The following HEXB variants were observed in gnomAD, a reference collection of about 807,000 sequenced individuals.
HEXB encodes beta-hexosaminidase subunit beta.
Under a neutral mutation model 71.2 loss-of-function variants are expected in HEXB, and 51 were observed. That is an observed-to-expected ratio of 0.72 (90% CI 0.57 to 0.90). HEXB has a LOEUF of 0.90. Among genes scored for constraint, HEXB ranks in the 40% least tolerant of loss-of-function variants. HEXB has a pLI of 0.00. For synonymous variants in HEXB, 266 were observed against 249.3 expected, an observed-to-expected ratio of 1.07 and a Z score of -0.63; for missense variants, 617 against 677.0, an observed-to-expected ratio of 0.91 and a Z score of 0.98.
chr5:74,650,108 G>A (rs1246737824), intron 1 of HEXB, among the ~76,000 whole-genome samples: 2 of 152,176 alleles, frequency 1.3e-5, no homozygotes, highest in Admixed American at 6.5e-5. Context: ...AAAAACCCAC[G>A]ATGCACAGAT....
intron 5 of HEXB, among the ~76,000 whole-genome samples, chr5:74,699,465 G>A (rs1749208901): frequency 6.6e-6 from 1 of 151,834 alleles, no homozygotes; most frequent in South Asian, 2.1e-4. Context: ...AGTAGAGATG[G>A]GGTTTCACCA....
In HEXB at chr5:74,721,021, TAA is replaced by T. The variant is rs949582131; in HGVS notation, c.1614-96_1614-95del. 6.0e-5 allele frequency: 64 copies of T among 1,066,088 alleles called. No individual in the cohort carries two copies. The South Asian group carries it at 8.0e-4, about 13-fold the overall frequency. 66.0% of individuals were successfully genotyped at this position (1,066,088 alleles called of 1,614,324 possible). Reference sequence around the variant, plus strand: ...ATGCTGTGATTTAGTGATTCTAATTTAAGTTTCTAAGATGACATGAATATCAA... The same window carrying T: ...ATGCTGTGATTTAGTGATTCTAATTTGTTTCTAAGATGACATGAATATCAA... On this transcript the variant is annotated intron_variant, in intron 13 of 13. Transcript: ENST00000261416.
chr5:74,685,646 C>G, intron 1 of HEXB, 87 bp downstream of exon 1: 1 of 1,259,696 alleles, frequency 7.9e-7, no homozygotes. Flanking sequence ...CTCACCACCC[C>G]ACTGCGCAGA....
chr5:74,642,467 C>A (rs922045133), intron 1 of HEXB, among the ~76,000 whole-genome samples: 1 of 152,046 alleles, frequency 6.6e-6, no homozygotes, highest in Admixed American at 6.6e-5. Flanking sequence ...AGATGGGAGG[C>A]GGAAATGTGT....
chr5:74,681,422 C>G (rs1426170802), upstream of HEXB, among the ~76,000 whole-genome samples: 3 of 151,996 alleles, frequency 2.0e-5, no homozygotes, highest in African/African-American at 4.8e-5. Context: ...GTTGAGAAAC[C>G]CTGATTTAAA....
In HEXB at chr5:74,685,438, C is replaced by T. The variant is rs761575773; in HGVS notation, c.178C>T (p.Pro60Ser). The change falls in exon 1 of 14, where the codon CCG becomes TCG. Residue 60 changes from proline to serine, a missense_variant. Pro to Ser is a moderately conservative substitution (Grantham distance 74). Transcript: ENST00000261416. ...AKPGPALWPL[P>S]LLVKMTPNLL... ...GCCGGGGCCGGCGCTGTGGCCCCTG[C>T]CGCTCTTGGTGAAGATGACCCCGAA... 6.2e-7 allele frequency: 1 copy of T among 1,609,338 alleles called. No individual in the cohort carries two copies. Among genetic ancestry groups the T allele is most frequent in the African/African-American group, 1.3e-5 (1 of 74,808 alleles).
In HEXB at chr5:74,718,981, G is replaced by C; in HGVS notation, c.1417+10G>C. The stretch of plus-strand genomic sequence containing the variant: ...CCTCTTGATTTTGGCGGTAAGTGAA[G>C]CAGTTGGTCCAAGTGTTGTGGGTTA... On this transcript the variant is annotated intron_variant, in intron 11 of 13. Transcript: ENST00000261416. 6.2e-7 allele frequency: 1 copy of C among 1,613,788 alleles called. No individual in the cohort carries two copies. Among genetic ancestry groups the C allele is most frequent in the Non-Finnish European group, 8.5e-7 (1 of 1,179,726 alleles).
At chr5:74,685,197 C>G (rs1748827769), upstream of HEXB, 2 of 1,432,922 alleles carry the variant, frequency 1.4e-6, no homozygotes, top group Non-Finnish European at 1.8e-6. Flanking sequence ...TGATCCGGGC[C>G]GGGCGGGAAG....
chr5:74,679,844 A>AATCAAGT (rs70976122), intron 1 of HEXB, among the ~76,000 whole-genome samples: 60,969 of 141,062 alleles, frequency 0.43, 14,880 homozygotes, highest in Non-Finnish European at 0.55. Flanking sequence ...TTCAGGCAGA[A>AATCAAGT]ATCAAGTCCA....
chr5:74,717,487 T>C (rs1413359533), intron 9 of HEXB, among the ~76,000 whole-genome samples: 1 of 151,486 alleles, frequency 6.6e-6, no homozygotes, highest in African/African-American at 2.4e-5. Context: ...CATATATATA[T>C]ATATATATAC....
chr5:74,666,049 T>TA, intron 1 of HEXB, among the ~76,000 whole-genome samples: 1 of 152,248 alleles, frequency 6.6e-6, no homozygotes. Context: ...AGATACTTAT[T>TA]ACAGAGAACT....
intron 3 of HEXB, among the ~76,000 whole-genome samples, chr5:74,695,359 A>G (rs1749090021): frequency 6.7e-6 from 1 of 150,126 alleles, no homozygotes; most frequent in Admixed American, 6.6e-5. Flanking sequence ...GCCTGCCACC[A>G]CGCCTGGCTA....
At chr5:74,674,447 C>T (rs150473166) in intron 1 of HEXB, among the ~76,000 whole-genome samples, 35 of 151,820 alleles carry the variant, frequency 2.3e-4, no homozygotes, top group African/African-American at 6.8e-4. Flanking sequence ...ACTAAAAATA[C>T]GAAAAAATTA....
At chr5:74,710,290 AAAT>A (rs1749508111) in intron 6 of HEXB, among the ~76,000 whole-genome samples, 1 of 151,438 alleles carries the variant, frequency 6.6e-6, no homozygotes, top group African/African-American at 2.4e-5. Context: ...ACATATCTCA[AAAT>A]AATAAGAGCT....
intron 10 of HEXB, 55 bp downstream of exon 10, chr5:74,718,418 T>C (rs529277109): frequency 3.1e-6 from 4 of 1,286,918 alleles, no homozygotes; most frequent in Admixed American, 1.7e-5. Context: ...TTATTTTTCT[T>C]GGGGCAACTG....
At chr5:74,651,506 C>G (rs2112074951) in intron 1 of HEXB, among the ~76,000 whole-genome samples, 1 of 152,278 alleles carries the variant, frequency 6.6e-6, no homozygotes. Flanking sequence ...GGACTAACCC[C>G]AAATGATTTG....
In HEXB at chr5:74,644,451, A is replaced by G. The variant is rs540062848; in HGVS notation, c.-377+3893A>G. Among the ~76,000 whole-genome samples, 9 of 152,298 alleles carry G rather than the reference A, an allele frequency of 5.9e-5. No individual in the cohort carries two copies. The East Asian group carries it at 9.7e-4, about 16-fold the overall frequency. On this transcript the variant is annotated intron_variant, in intron 1 of 13. Coordinates refer to the HEXB transcript ENST00000511181. ...AGACCTCAGAACAGTGAGAATACAG[A>G]TATACAAACCTAGGAAAATGAGACC...
upstream of HEXB, chr5:74,685,136 G>T (rs1174187889): frequency 2.0e-5 from 20 of 1,023,958 alleles, no homozygotes; most frequent in Non-Finnish European, 2.5e-5. Flanking sequence ...AGTCGGGGGC[G>T]GGCGCGCGCA....
In HEXB at chr5:74,641,534, A is replaced by C. The variant is rs1747887348; in HGVS notation, c.-377+976A>C. ...CGCTTGATTCAAAGTGAACTCCTCA[A>C]AGCAGCAGCCACGCCGCCTCCTCTC... On this transcript the variant is annotated intron_variant, in intron 1 of 13. Coordinates refer to the HEXB transcript ENST00000511181. This position sits in a 1 kb window ranked among gnomAD's most constrained non-coding sequence, Gnocchi z 4.1. 1 of 152,144 alleles carries C rather than the reference A, an allele frequency of 6.6e-6. No individual in the cohort carries two copies. Among genetic ancestry groups the C allele is most frequent in the Non-Finnish European group, 1.5e-5 (1 of 68,106 alleles). The allele number at this position is 152,144 out of a possible 1,614,324, so 9.4% of individuals were successfully genotyped here.
Sources: allele counts gnomAD v4.1 joint callset (sites outside exome capture counted in the v4.1 genomes callset), GRCh38; gene constraint gnomAD v4.1.1; non-coding constraint Gnocchi (gnomAD v3.1); transcripts MANE v1.5; gene names NCBI Gene and HGNC (gene_info 2026-07-23, HGNC 2026-07-21).